KIAA1549: variants seen among roughly 807,000 people sequenced by gnomAD.
KIAA1549 encodes the protein KIAA1549, also known as UPF0606 protein KIAA1549.
KIAA1549 carries 70 observed loss-of-function variants against 156.4 expected under a neutral mutation model. The ratio of observed to expected loss-of-function variants is 0.45; its 90% CI spans 0.37 to 0.55. The LOEUF (loss-of-function observed/expected upper bound fraction) is 0.55, where lower values mean the gene tolerates loss of function less well. Among genes scored for constraint, KIAA1549 ranks in the 20% least tolerant of loss-of-function variants. The pLI, the probability that KIAA1549 is intolerant of heterozygous loss-of-function variation, is 0.00. For missense variants in KIAA1549, 2,428 were observed against 2,540.9 expected (o/e 0.96, Z 0.96); for synonymous variants, 1,103 against 1,066.4 (o/e 1.03, Z -0.67).
Position 138,832,155 on chromosome 7 carries a change from C to T in KIAA1549, c.*5751G>A, listed in dbSNP as rs144857945. 8.4e-4 allele frequency: 177 copies of T among 211,330 alleles called. No individual in the cohort carries two copies. The highest frequency in any genetic ancestry group is 4.5e-3 in the Middle Eastern group (3 of 660). 13.1% of individuals were successfully genotyped at this position (211,330 alleles called of 1,614,324 possible). A position where few individuals can be genotyped will look rare whatever the true frequency, so the allele number is the denominator to read the frequency against. On this transcript the variant is annotated 3_prime_UTR_variant, in exon 20 of 20. Transcript: ENST00000422774. Reference sequence around the variant, plus strand: ...ATCAGGGACTGCAAGAGACTCAAGTCACTCAAAATTTCACCTCTGTCCCTT... The same window carrying T: ...ATCAGGGACTGCAAGAGACTCAAGTTACTCAAAATTTCACCTCTGTCCCTT...
Position 138,917,387 on chromosome 7 carries a change from C to T in KIAA1549, c.2239G>A (p.Ala747Thr). Reference sequence around the variant, plus strand: ...AGATAGGAGGTAGTTTCAATGAAAGCTGAGGTAAAATGAGCTTCTGAATCC... The same window carrying T: ...AGATAGGAGGTAGTTTCAATGAAAGTTGAGGTAAAATGAGCTTCTGAATCC... ...LTDSEAHFTS[A>T]FIETTSYLES... Residue 747 changes from alanine (A) to threonine (T), a missense_variant, in exon 2 of 20, where the codon GCT (alanine) becomes ACT (threonine). This residue lies in a region of KIAA1549 where 762 missense variants were observed against 901.6 expected (regional missense o/e 0.85). Transcript: ENST00000422774. The T allele has an allele frequency of 1.2e-6, 2 of 1,613,928 alleles. No homozygotes were observed. Among genetic ancestry groups the T allele is most frequent in the South Asian group, 2.2e-5 (2 of 91,074 alleles).
rs2130311048 is a variant in KIAA1549, at chr7:138,834,370, A to C, written c.*3536T>G. The C allele has an allele frequency of 5.2e-6, 1 of 191,556 alleles. No homozygotes were observed. Among genetic ancestry groups the C allele is most frequent in the South Asian group, 1.9e-4 (1 of 5,154 alleles). The allele number at this position is 191,556 out of a possible 1,614,324, so 11.9% of individuals were successfully genotyped here. On this transcript the variant is annotated 3_prime_UTR_variant, in exon 20 of 20. Coordinates refer to ENST00000422774, the MANE Select transcript of KIAA1549 (RefSeq NM_001164665.2). The stretch of plus-strand genomic sequence containing the variant: ...TGCCATGTTGCCTGGGCTGGTTTTA[A>C]GCTCTTGATCTCAAGTGATCCACCT...
intron 10 of KIAA1549, among the ~76,000 whole-genome samples, chr7:138,893,127 T>C (rs1404782042): frequency 1.3e-5 from 2 of 152,234 alleles, no homozygotes; most frequent in African/African-American, 4.8e-5. Flanking sequence ...AAACCTGATG[T>C]GACCCTCGAA....
chr7:138,915,647 C>T (rs1812296485), intron 2 of KIAA1549, among the ~76,000 whole-genome samples: 2 of 152,042 alleles, frequency 1.3e-5, no homozygotes, highest in South Asian at 2.1e-4. Flanking sequence ...CCTTCTCCCC[C>T]TTCCACATTC....
rs368010640 is a variant in KIAA1549 at position 138,860,011 on chromosome 7, G to A, written c.5247+1128C>T. Among the ~76,000 whole-genome samples the A allele has an allele frequency of 3.2e-3, 485 of 152,324 alleles. 2 individuals carry two copies. The highest frequency in any genetic ancestry group is 0.023 in the South Asian group (111 of 4,828). ...TCCAGCACCTAAGCAGAGTGCCTGC[G>A]ACACAGCAGGTGCTTTGTAAATATA... On this transcript the variant is annotated intron_variant, in intron 16 of 19. Coordinates refer to ENST00000422774, the MANE Select transcript of KIAA1549 (RefSeq NM_001164665.2).
chr7:138,879,627 G>T lies in KIAA1549; in HGVS notation c.4256C>A (p.Thr1419Lys), dbSNP rs371532655. 1 of 1,555,800 alleles carries T rather than the reference G, an allele frequency of 6.4e-7. No homozygotes were observed. Among genetic ancestry groups the T allele is most frequent in the African/African-American group, 1.4e-5 (1 of 73,322 alleles). The stretch of plus-strand genomic sequence containing the variant: ...CCTCTCGCTGGACTCTTCACTGACC[G>T]TAGAGTCAGCATCTGAGGGAGAAAC... ...GRVSPSDADS[T>K]VSEESSERDA... The change falls in exon 12 of 20, where the codon ACG (threonine) becomes AAG (lysine). Residue 1419 changes from threonine to lysine, a missense_variant. Physicochemically the swap from Thr to Lys is moderately conservative, Grantham distance 78. Transcript: ENST00000422774.
chr7:138,844,562 TA>T (rs1810020052), intron 17 of KIAA1549, 88 bp from the exon 18 acceptor site: 2 of 1,231,054 alleles, frequency 1.6e-6, no homozygotes, highest in Non-Finnish European at 2.2e-6. Context: ...TTACAGAAGG[TA>T]ACACTTATTT....
At chr7:138,861,065 C>G in intron 16 of KIAA1549, 74 bp downstream of exon 16, 1 of 1,497,886 alleles carries the variant, frequency 6.7e-7, no homozygotes, top group Non-Finnish European at 9.3e-7. Context: ...TGTGCGGAGC[C>G]TGAAAGTCAG....
chr7:138,902,795 C>T (rs1255114879), intron 8 of KIAA1549, among the ~76,000 whole-genome samples: 2 of 151,018 alleles, frequency 1.3e-5, no homozygotes, highest in Non-Finnish European at 2.9e-5. Flanking sequence ...GGCGACAGAG[C>T]GAGACTCTGT....
chr7:138,898,896 G>A (rs1021403227), intron 9 of KIAA1549, 59 bp downstream of exon 9: 31 of 1,488,628 alleles, frequency 2.1e-5, no homozygotes, highest in African/African-American at 1.4e-4. Context: ...CTGTCAGAAC[G>A]AGCCTGGCTT....
At chr7:138,968,461 A>AT (rs1814107772) in intron 1 of KIAA1549, among the ~76,000 whole-genome samples, 1 of 152,196 alleles carries the variant, frequency 6.6e-6, no homozygotes. Context: ...AGCGATATAT[A>AT]TTTTTAAACG....
intron 19 of KIAA1549, among the ~76,000 whole-genome samples, chr7:138,838,467 GC>G (rs1380241076): frequency 1.3e-5 from 2 of 152,188 alleles, no homozygotes; most frequent in Non-Finnish European, 2.9e-5. Context: ...CTGGACTGGA[GC>G]CTACGCAACC....
At chr7:138,971,447 C>CTT (rs1183585138) in intron 1 of KIAA1549, among the ~76,000 whole-genome samples, 1 of 152,180 alleles carries the variant, frequency 6.6e-6, no homozygotes, top group Non-Finnish European at 1.5e-5. Context: ...CCCCCAGGAG[C>CTT]TTTCACTCCT....
intron 1 of KIAA1549, among the ~76,000 whole-genome samples, chr7:138,935,504 G>C (rs1812985271): frequency 1.3e-5 from 2 of 152,132 alleles, no homozygotes; most frequent in African/African-American, 4.8e-5. Context: ...TCAGCCATCT[G>C]TTTCTAAAAT....
chr7:138,946,802 C>T (rs1407238558), intron 1 of KIAA1549, among the ~76,000 whole-genome samples: 1 of 152,102 alleles, frequency 6.6e-6, no homozygotes, highest in Non-Finnish European at 1.5e-5. Context: ...ATCCCTGACT[C>T]CACCCCGTCT....
At chr7:138,849,681 C>G (rs111940810) in intron 17 of KIAA1549, among the ~76,000 whole-genome samples, 11 of 151,732 alleles carry the variant, frequency 7.2e-5, no homozygotes, top group African/African-American at 2.4e-4. Context: ...AGCCTAGTAC[C>G]CAATAGTTAT....
At chr7:138,938,030 C>A (rs748645988) in intron 1 of KIAA1549, among the ~76,000 whole-genome samples, 1 of 152,074 alleles carries the variant, frequency 6.6e-6, no homozygotes, top group Non-Finnish European at 1.5e-5. Context: ...TATGTTGAAA[C>A]CTAACCCGAA....
chr7:138,831,982 G>C lies in KIAA1549; in HGVS notation c.*5924C>G. 4.3e-6 allele frequency: 1 copy of C among 232,464 alleles called. No individual in the cohort carries two copies. The highest frequency in any genetic ancestry group is 8.5e-6 in the Non-Finnish European group (1 of 117,552). The allele number at this position is 232,464 out of a possible 1,614,324, so 14.4% of individuals were successfully genotyped here. A position where few individuals can be genotyped will look rare whatever the true frequency, so the allele number is the denominator to read the frequency against. On this transcript the variant is annotated 3_prime_UTR_variant, in exon 20 of 20. Coordinates refer to ENST00000422774, the MANE Select transcript of KIAA1549 (RefSeq NM_001164665.2). ...CTCTTCTTTCCCCACATTTGCAGGA[G>C]GAACAGTACAGCATATGCGACTTGA...
intron 1 of KIAA1549, among the ~76,000 whole-genome samples, chr7:138,925,094 G>C (rs1222430394): frequency 6.6e-6 from 1 of 152,104 alleles, no homozygotes; most frequent in Non-Finnish European, 1.5e-5. Flanking sequence ...CCCTGGCCAG[G>C]TTCTGGCCAT....
Sources: gnomAD v4.1 joint callset for allele counts (sites outside exome capture counted in the v4.1 genomes callset) on GRCh38, gnomAD v4.1.1 for gene constraint, gnomAD v4.1.1 regional missense constraint, MANE v1.5 for transcripts, NCBI Gene and HGNC (gene_info 2026-07-23, HGNC 2026-07-21) for gene names.